Variants in CFAP54 observed in about 807,000 individuals in gnomAD.
CFAP54 encodes cilia and flagella associated protein 54.
In CFAP54, 290 loss-of-function variants were observed where a neutral mutation model predicts 370.4. The observed-to-expected ratio is 0.78, with a 90% CI of 0.71 to 0.86. The LOEUF (loss-of-function observed/expected upper bound fraction) is 0.86, where lower values mean the gene tolerates loss of function less well. Ranked by LOEUF, CFAP54 falls within the 40% of genes least tolerant of loss-of-function variation. CFAP54 has a pLI of 0.00. For synonymous variants in CFAP54, 1,206 were observed against 1,236.5 expected, an observed-to-expected ratio of 0.98 and a Z score of 0.52; for missense variants, 3,399 against 3,528.7, an observed-to-expected ratio of 0.96 and a Z score of 0.93.
chr12:96,860,745 A>G (rs944992331), intron 66 of CFAP54, 74 bp from the exon 67 acceptor site: 4 of 1,360,900 alleles, frequency 2.9e-6, no homozygotes, highest in African/African-American at 3.0e-5. Context: ...AGAAATTGCT[A>G]TTTGGGTATT....
At chr12:96,630,732 C>T (rs1565920766) in intron 32 of CFAP54, 81 bp downstream of exon 32, 1 of 771,230 alleles carries the variant, frequency 1.3e-6, no homozygotes. Flanking sequence ...ACTAGGGATA[C>T]ACTGGTGGAC....
chr12:96,799,792 G>T (rs935456759), intron 63 of CFAP54, among the ~76,000 whole-genome samples: 4 of 152,088 alleles, frequency 2.6e-5, no homozygotes, highest in Non-Finnish European at 5.9e-5. Context: ...TTCAAATTAT[G>T]ATTAAAAATA....
chr12:96,531,371 C>T (rs193221050), intron 9 of CFAP54, among the ~76,000 whole-genome samples: 2 of 152,060 alleles, frequency 1.3e-5, no homozygotes, highest in African/African-American at 4.8e-5. Flanking sequence ...GACATTCTTA[C>T]ATTTTATTCT....
At position 96,744,147 on chromosome 12, in the gene CFAP54, G is replaced by T; in HGVS notation, c.7684+1G>T. 1.9e-6 allele frequency: 3 copies of T among 1,600,654 alleles called. No homozygotes were observed. Among genetic ancestry groups the T allele is most frequent in the Non-Finnish European group, 2.6e-6 (3 of 1,172,150 alleles). On this transcript the variant is annotated splice_donor_variant, in intron 55 of 67. Transcript: ENST00000524981. LOFTEE classifies it high-confidence loss of function. ...TTGGCCAAAATAAAAATGAGAATTG[G>T]TAAGAACATTTAAACTTATATTGCC...
intron 32 of CFAP54, among the ~76,000 whole-genome samples, chr12:96,640,035 C>G (rs1229400061): frequency 6.6e-6 from 1 of 152,170 alleles, no homozygotes; most frequent in African/African-American, 2.4e-5. Context: ...AGGATGCCCT[C>G]TCTCACCACT....
intron 66 of CFAP54, among the ~76,000 whole-genome samples, chr12:96,859,881 A>T (rs1354351773): frequency 6.6e-6 from 1 of 152,184 alleles, no homozygotes; most frequent in Non-Finnish European, 1.5e-5. Flanking sequence ...GGAAACATTG[A>T]TTATATTAGG....
chr12:96,749,396 G>T (rs1188815443), intron 55 of CFAP54, among the ~76,000 whole-genome samples: 2 of 152,182 alleles, frequency 1.3e-5, no homozygotes, highest in Non-Finnish European at 2.9e-5. Flanking sequence ...ATCATGTGGG[G>T]GTTACATTTC....
intron 14 of CFAP54, among the ~76,000 whole-genome samples, chr12:96,544,410 A>ATCTCTCTCTCTCTCTCTCTCTCTC (rs71068815): frequency 2.0e-5 from 3 of 148,120 alleles, no homozygotes; most frequent in Middle Eastern, 3.4e-3. Context: ...AAAACAGAAT[A>ATCTCTCTCTCTCTCTCTCTCTCTC]TCTCTCTCTC....
chr12:96,732,997 T>C (rs958884315), intron 50 of CFAP54, among the ~76,000 whole-genome samples: 1 of 152,198 alleles, frequency 6.6e-6, no homozygotes, highest in South Asian at 2.1e-4. Flanking sequence ...TTTATTCTTT[T>C]TGGGGAGGAA....
intron 32 of CFAP54, among the ~76,000 whole-genome samples, chr12:96,638,898 A>G (rs2136484985): frequency 6.6e-6 from 1 of 152,320 alleles, no homozygotes; most frequent in African/African-American, 2.4e-5. Flanking sequence ...TCAACATTTT[A>G]GCATTAAGAA....
intron 9 of CFAP54, among the ~76,000 whole-genome samples, chr12:96,533,045 C>G (rs1002932049): frequency 6.6e-6 from 1 of 152,112 alleles, no homozygotes; most frequent in African/African-American, 2.4e-5. Flanking sequence ...TGGGCAGACT[C>G]TAGCACTCTA....
chr12:96,544,642 G>A (rs773729111), intron 14 of CFAP54, among the ~76,000 whole-genome samples: 30 of 152,202 alleles, frequency 2.0e-4, no homozygotes, highest in Admixed American at 1.4e-3. Flanking sequence ...AGGAAGGAAC[G>A]TGGCACAGAG....
intron 22 of CFAP54, among the ~76,000 whole-genome samples, chr12:96,586,796 G>A (rs1348472234): frequency 1.3e-5 from 2 of 152,154 alleles, no homozygotes; most frequent in Admixed American, 6.5e-5. Flanking sequence ...ACAGTTTGGA[G>A]TAGTGGTATG....
chr12:96,741,756 T>C (rs1958054567), intron 51 of CFAP54, among the ~76,000 whole-genome samples: 1 of 152,234 alleles, frequency 6.6e-6, no homozygotes, highest in African/African-American at 2.4e-5. Flanking sequence ...TTGTCACCTC[T>C]TTGTAAAGTG....
Position 96,647,989 on chromosome 12 carries a change from CA to C in CFAP54, c.4669del (p.Arg1557GlufsTer19). 9 of 1,503,856 alleles carry C rather than the reference CA, an allele frequency of 6.0e-6. No homozygotes were observed. The Admixed American group carries it at 9.7e-5, about 16-fold the overall frequency. 93.2% of individuals were successfully genotyped at this position (1,503,856 alleles called of 1,614,324 possible). A position where few individuals can be genotyped will look rare whatever the true frequency, so the allele number is the denominator to read the frequency against. On this transcript the variant is annotated frameshift_variant, in exon 34 of 68. Coordinates refer to ENST00000524981, the MANE Select transcript of CFAP54 (RefSeq NM_001306084.2). LOFTEE classifies it high-confidence loss of function. Reference protein sequence around the residue: ...KAMLDFLLTAKKRKANLPSDA... With the variant: ...KAMLDFLLTAXKRKANLPSDA... ...CAATGCTTGATTTCCTTCTTACAGCCAAAAAAAGAAAGGCCAACTTACCATC... is the reference window on the plus strand; with the variant it reads ...CAATGCTTGATTTCCTTCTTACAGCCAAAAAAGAAAGGCCAACTTACCATC...
rs747059710 is a variant in CFAP54 at position 96,681,113 on chromosome 12, A to ACCCC, written c.5716+1365_5716+1368dup. On this transcript the variant is annotated intron_variant, in intron 40 of 67. Coordinates refer to ENST00000524981, the MANE Select transcript of CFAP54 (RefSeq NM_001306084.2). ...ACAGAACAAAACAAAACAGAAAAGCACCCCCCCACACACACACACAAAAAG... is the reference window on the plus strand; with the variant it reads ...ACAGAACAAAACAAAACAGAAAAGCACCCCCCCCCCCACACACACACACAAAAAG... Among the ~76,000 whole-genome samples the ACCCC allele has an allele frequency of 4.4e-5, 6 of 137,536 alleles. No individual in the cohort carries two copies. In the East Asian group the frequency reaches 1.1e-3, roughly 25 times the overall value. 90.2% of individuals were successfully genotyped at this position (137,536 alleles called of 152,430 possible).
Position 96,554,804 on chromosome 12 carries a change from TA to T in CFAP54, c.2410+3del. The T allele has an allele frequency of 6.5e-7, 1 of 1,530,070 alleles. No individual in the cohort carries two copies. The highest frequency in any genetic ancestry group is 1.4e-5 in the African/African-American group (1 of 73,046). 94.8% of individuals were successfully genotyped at this position (1,530,070 alleles called of 1,614,324 possible). On this transcript the variant is annotated splice_donor_region_variant and intron_variant, in intron 17 of 67. Coordinates refer to ENST00000524981, the MANE Select transcript of CFAP54 (RefSeq NM_001306084.2). ...TTGTGCTTCTGGACAAATTGCAAGG[TA>T]GTAGTCACTAAAGCAAGTAACCATT...
chr12:96,623,268 T>G (rs1465337715), intron 27 of CFAP54, among the ~76,000 whole-genome samples: 1 of 151,514 alleles, frequency 6.6e-6, no homozygotes, highest in East Asian at 1.9e-4. Flanking sequence ...TGAGCCTGAG[T>G]GGGCAGACAG....
At chr12:96,869,239 T>A (rs1960087277) in intron 67 of CFAP54, among the ~76,000 whole-genome samples, 1 of 152,244 alleles carries the variant, frequency 6.6e-6, no homozygotes, top group South Asian at 2.1e-4. Flanking sequence ...AATGTGTTTT[T>A]TTTTCTTAGA....
Sources: allele counts gnomAD v4.1 joint callset (sites outside exome capture counted in the v4.1 genomes callset), GRCh38; gene constraint gnomAD v4.1.1; transcripts MANE v1.5; gene names NCBI Gene and HGNC (gene_info 2026-07-23, HGNC 2026-07-21).